Variants in DRC9 observed in about 807,000 individuals in gnomAD.
DRC9 encodes the protein dynein regulatory complex protein 9.
At chr3:197,911,153 G>A in the DRC9 span, among the ~76,000 whole-genome samples, 3 of 151,974 alleles carry the variant, frequency 2.0e-5, no homozygotes, top group Admixed American at 6.6e-5. Flanking sequence ...GTGGAAAAAT[G>A]TTATGTTCAC....
the DRC9 span, among the ~76,000 whole-genome samples, chr3:197,946,160 G>A: frequency 6.6e-6 from 1 of 152,082 alleles, no homozygotes; most frequent in South Asian, 2.1e-4. Context: ...TTGGGGCCGG[G>A]CGCGGGGGCT....
At chr3:197,945,329 G>A in the DRC9 span, among the ~76,000 whole-genome samples, 3 of 152,144 alleles carry the variant, frequency 2.0e-5, no homozygotes, top group South Asian at 6.2e-4. Context: ...TGCCAGCTCT[G>A]TCAATGAACC....
chr3:197,908,741 G>A, the DRC9 span, among the ~76,000 whole-genome samples: 2 of 147,802 alleles, frequency 1.4e-5, no homozygotes, highest in African/African-American at 5.0e-5. Flanking sequence ...CCCTTTCCCA[G>A]GCATCCTCCC....
the DRC9 span, among the ~76,000 whole-genome samples, chr3:197,948,692 G>A: frequency 3.3e-5 from 5 of 152,216 alleles, no homozygotes; most frequent in African/African-American, 4.8e-5. Context: ...CAAGGTACAA[G>A]TTCTATCCTG....
the DRC9 span, chr3:197,959,949 T>C: frequency 9.8e-6 from 5 of 507,884 alleles, no homozygotes; most frequent in Non-Finnish European, 1.4e-5. Context: ...ATGAAAGAAC[T>C]GAAAAACTGC....
chr3:197,912,741 C>G, the DRC9 span: 7 of 1,613,624 alleles, frequency 4.3e-6, no homozygotes, highest in Non-Finnish European at 4.2e-6. Context: ...CGGTTTTCAT[C>G]CTGAGTTTCT....
the DRC9 span, among the ~76,000 whole-genome samples, chr3:197,930,338 A>G: frequency 2.0e-5 from 3 of 152,146 alleles, no homozygotes; most frequent in Non-Finnish European, 2.9e-5. Context: ...ACAAAAAAGA[A>G]TACTATAAAA....
At chr3:197,953,376 T>TTAAAGGAAATATATA in the DRC9 span, 1 of 453,662 alleles carries the variant, frequency 2.2e-6, no homozygotes, top group Non-Finnish European at 4.4e-6. Context: ...CCCGTGGTCT[T>TTAAAGGAAATATATA]TAAAGGAAAT....
the DRC9 span, among the ~76,000 whole-genome samples, chr3:197,921,694 T>A: frequency 6.6e-6 from 1 of 150,616 alleles, no homozygotes; most frequent in Non-Finnish European, 1.5e-5. Flanking sequence ...GACTACTGGT[T>A]TTCAGTAACT....
At chr3:197,894,936 T>A in the DRC9 span, among the ~76,000 whole-genome samples, 1 of 152,030 alleles carries the variant, frequency 6.6e-6, no homozygotes, top group Non-Finnish European at 1.5e-5. Context: ...TGGTGGCGCC[T>A]GTGGTCCCAG....
chr3:197,923,095 C>T, the DRC9 span, among the ~76,000 whole-genome samples: 1 of 152,144 alleles, frequency 6.6e-6, no homozygotes, highest in Non-Finnish European at 1.5e-5. Flanking sequence ...GCTTGGAAGA[C>T]TTACAGATAA....
chr3:197,902,288 G>A, the DRC9 span, among the ~76,000 whole-genome samples: 86 of 152,240 alleles, frequency 5.6e-4, no homozygotes, highest in Non-Finnish European at 9.6e-4. Flanking sequence ...CAATGAATAC[G>A]TAATTCGTCA....
chr3:197,890,164 G>A, the DRC9 span, among the ~76,000 whole-genome samples: 7 of 152,198 alleles, frequency 4.6e-5, no homozygotes, highest in African/African-American at 1.7e-4. Flanking sequence ...GGAGGCTGAG[G>A]TGGGCAGATC....
chr3:197,918,258 C>CTTT, the DRC9 span, among the ~76,000 whole-genome samples: 501 of 60,256 alleles, frequency 8.3e-3, 9 homozygotes, highest in Middle Eastern at 0.024. Flanking sequence ...TAATTTTTTG[C>CTTT]TTTTTTTTTT....
chr3:197,889,607 C>T, the DRC9 span: 1 of 1,614,224 alleles, frequency 6.2e-7, no homozygotes, highest in Admixed American at 1.7e-5. Flanking sequence ...TCCTCTTATC[C>T]TTGCCTTTAC....
chr3:197,926,735 A>G, the DRC9 span, among the ~76,000 whole-genome samples: 1 of 152,144 alleles, frequency 6.6e-6, no homozygotes, highest in African/African-American at 2.4e-5. Context: ...CTGGGGAGTC[A>G]GGGCGTCTCT....
At chr3:197,892,795 A>T in the DRC9 span, 13 of 1,612,880 alleles carry the variant, frequency 8.1e-6, no homozygotes, top group Non-Finnish European at 1.0e-5. Flanking sequence ...GGCATTCAGC[A>T]GACACAAAAC....
chr3:197,952,837 T>C, the DRC9 span, among the ~76,000 whole-genome samples: 2 of 133,290 alleles, frequency 1.5e-5, no homozygotes, highest in South Asian at 4.4e-4. Flanking sequence ...TGCTGTAGAC[T>C]TTTTTTTTTT....
chr3:197,919,018 G>T, the DRC9 span, among the ~76,000 whole-genome samples: 3 of 152,008 alleles, frequency 2.0e-5, no homozygotes, highest in Non-Finnish European at 2.9e-5. Context: ...ATGTTAGTCA[G>T]GCTGGTCTCA....
Sources: gnomAD v4.1 joint callset for allele counts (sites outside exome capture counted in the v4.1 genomes callset) on GRCh38, gnomAD v4.1.1 for gene constraint, MANE v1.5 for transcripts, NCBI Gene and HGNC (gene_info 2026-07-23, HGNC 2026-07-21) for gene names.